CUL2: variants seen among roughly 807,000 people sequenced by gnomAD.
The protein encoded by CUL2 is cullin 2, also known as cullin-2.
A neutral mutation model predicts 110.2 loss-of-function variants in CUL2; 22 were observed. The observed-to-expected ratio is 0.20, with a 90% confidence interval of 0.14 to 0.28. The LOEUF is 0.28. CUL2 is among the 10% of genes least tolerant of loss of function. The pLI, the probability that CUL2 is intolerant of heterozygous loss-of-function variation, is 1.00. For missense variants in CUL2, 631 were observed against 905.5 expected, an observed-to-expected ratio of 0.70 and a Z score of 3.89; for synonymous variants, 279 against 293.2, an observed-to-expected ratio of 0.95 and a Z score of 0.49.
At chr10:35,057,516 G>A (rs1342194098) in intron 4 of CUL2, among the ~76,000 whole-genome samples, 1 of 151,506 alleles carries the variant, frequency 6.6e-6, no homozygotes, top group African/African-American at 2.4e-5. Context: ...AGCCAGGCAT[G>A]GTGGTGGTTG....
chr10:35,103,569 C>T (rs569808125), intron 1 of CUL2, among the ~76,000 whole-genome samples: 8 of 151,976 alleles, frequency 5.3e-5, no homozygotes, highest in East Asian at 1.9e-4. Context: ...GTGATCCGCC[C>T]GTCTCGGCCT....
intron 8 of CUL2, among the ~76,000 whole-genome samples, chr10:35,043,349 C>G (rs775282207): frequency 6.6e-6 from 1 of 151,404 alleles, no homozygotes; most frequent in Admixed American, 6.6e-5. Flanking sequence ...AACCACTGAT[C>G]TAGTGTAACC....
intron 8 of CUL2, among the ~76,000 whole-genome samples, chr10:35,041,688 C>T (rs1488435351): frequency 6.6e-6 from 1 of 152,112 alleles, no homozygotes; most frequent in Non-Finnish European, 1.5e-5. Flanking sequence ...ACGACTACAC[C>T]ACCATGTGTG....
At chr10:35,012,686 T>A (rs984877133) in intron 19 of CUL2, among the ~76,000 whole-genome samples, 2 of 152,240 alleles carry the variant, frequency 1.3e-5, no homozygotes, top group African/African-American at 4.8e-5. Flanking sequence ...GAAAATGGAA[T>A]CTTGACCATT....
intron 1 of CUL2, among the ~76,000 whole-genome samples, chr10:35,086,188 C>CA (rs1025342117): frequency 1.9e-3 from 257 of 133,866 alleles, no homozygotes; most frequent in East Asian, 5.6e-3. Flanking sequence ...GACTCTGTCT[C>CA]AAAAAAAAAA....
chr10:35,107,592 G>C (rs1285428692), intron 1 of CUL2, among the ~76,000 whole-genome samples: 1 of 151,784 alleles, frequency 6.6e-6, no homozygotes, highest in African/African-American at 2.4e-5. Flanking sequence ...TTAAAAAGTA[G>C]AAGACTTGGG....
chr10:35,036,972 C>A (rs1011964658), intron 9 of CUL2, among the ~76,000 whole-genome samples: 1 of 152,132 alleles, frequency 6.6e-6, no homozygotes, highest in Non-Finnish European at 1.5e-5. Context: ...TGAGCTCAAG[C>A]AATCTTCCTC....
intron 1 of CUL2, among the ~76,000 whole-genome samples, chr10:35,072,360 G>T (rs2086701675): frequency 6.7e-6 from 1 of 149,996 alleles, no homozygotes; most frequent in African/African-American, 2.4e-5. Context: ...TGGCTCCAGT[G>T]AACTTAATGG....
intron 4 of CUL2, among the ~76,000 whole-genome samples, chr10:35,059,832 C>T (rs1359346242): frequency 6.6e-6 from 1 of 152,210 alleles, no homozygotes; most frequent in East Asian, 1.9e-4. Context: ...CAAAATCATG[C>T]TCTCAGCATT....
intron 4 of CUL2, among the ~76,000 whole-genome samples, chr10:35,056,076 A>T (rs1353508713): frequency 6.6e-6 from 1 of 152,226 alleles, no homozygotes; most frequent in Non-Finnish European, 1.5e-5. Context: ...AGTAATTGCT[A>T]CTATATGAAA....
chr10:35,084,987 G>T (rs2087026187), intron 1 of CUL2, among the ~76,000 whole-genome samples: 1 of 151,866 alleles, frequency 6.6e-6, no homozygotes, highest in Non-Finnish European at 1.5e-5. Context: ...GGGGGTGGTG[G>T]TGGGCGCCTG....
At chr10:35,010,700 C>G (rs1312508962) in intron 20 of CUL2, among the ~76,000 whole-genome samples, 1 of 152,236 alleles carries the variant, frequency 6.6e-6, no homozygotes, top group African/African-American at 2.4e-5. Flanking sequence ...CAACTCTCAG[C>G]TCTTAGTTCA....
At chr10:35,123,184 A>C (rs1016369208) in intron 1 of CUL2, among the ~76,000 whole-genome samples, 9 of 152,160 alleles carry the variant, frequency 5.9e-5, no homozygotes, top group Admixed American at 5.9e-4. Flanking sequence ...AAAACAAAGG[A>C]CTTCATGCCA....
At position 35,009,264 on chromosome 10, in the gene CUL2, C is replaced by A. The variant is rs1449003439; in HGVS notation, c.*1047G>T. Reference sequence around the variant, plus strand: ...GGATTTATATATGTGGCACCCAGTACAATGTACAATTTTCTTTTTTAAAAA... The same window carrying A: ...GGATTTATATATGTGGCACCCAGTAAAATGTACAATTTTCTTTTTTAAAAA... On this transcript the variant is annotated 3_prime_UTR_variant, in exon 21 of 21. Coordinates refer to ENST00000374749, the MANE Select transcript of CUL2 (RefSeq NM_003591.4). 2 of 148,080 alleles carry A rather than the reference C, an allele frequency of 1.4e-5. No homozygotes were observed. The highest frequency in any genetic ancestry group is 2.5e-5 in the African/African-American group (1 of 40,190). The allele number at this position is 148,080 out of a possible 1,614,324, so 9.2% of individuals were successfully genotyped here. A position where few individuals can be genotyped will look rare whatever the true frequency, so the allele number is the denominator to read the frequency against.
At chr10:35,034,005 T>G (rs2085548390) in intron 10 of CUL2, among the ~76,000 whole-genome samples, 1 of 152,186 alleles carries the variant, frequency 6.6e-6, no homozygotes, top group African/African-American at 2.4e-5. Context: ...CCAATAATCC[T>G]GAGAACAGAG....
chr10:35,106,178 T>A (rs1381201503), intron 1 of CUL2, among the ~76,000 whole-genome samples: 1 of 152,104 alleles, frequency 6.6e-6, no homozygotes, highest in East Asian at 1.9e-4. Context: ...CCCAGAGAGC[T>A]CCCTCACTTC....
chr10:35,064,283 T>A (rs1422831600), intron 2 of CUL2, among the ~76,000 whole-genome samples: 1 of 152,224 alleles, frequency 6.6e-6, no homozygotes, highest in Non-Finnish European at 1.5e-5. Context: ...ATAAGGCTGA[T>A]GATTCAGGAT....
At chr10:35,078,225 T>C (rs2086868744) in intron 1 of CUL2, among the ~76,000 whole-genome samples, 1 of 151,964 alleles carries the variant, frequency 6.6e-6, no homozygotes, top group Non-Finnish European at 1.5e-5. Context: ...TGACAAAATG[T>C]CCACCCCTAA....
In CUL2 at chr10:35,054,569, T is replaced by C. The variant is rs2384288; in HGVS notation, c.318-30A>G. 172,143 of 1,248,532 alleles carry C rather than the reference T, an allele frequency of 0.14. 13,798 individuals are homozygous for C. The highest frequency in any genetic ancestry group is 0.18 in the Middle Eastern group (806 of 4,542). 77.3% of individuals were successfully genotyped at this position (1,248,532 alleles called of 1,614,324 possible). A position where few individuals can be genotyped will look rare whatever the true frequency, so the allele number is the denominator to read the frequency against. On this transcript the variant is annotated intron_variant, in intron 4 of 20. Transcript: ENST00000374749. Reference sequence around the variant, plus strand: ...AAAATAAATGTAATATCAATGGATATTAAGTTAAAGTCAGTAGGAAAGCAA... The same window carrying C: ...AAAATAAATGTAATATCAATGGATACTAAGTTAAAGTCAGTAGGAAAGCAA...
Sources: allele counts gnomAD v4.1 joint callset (sites outside exome capture counted in the v4.1 genomes callset), GRCh38; gene constraint gnomAD v4.1.1; transcripts MANE v1.5; gene names NCBI Gene and HGNC (gene_info 2026-07-23, HGNC 2026-07-21).